CLVS1: variants seen among roughly 807,000 people sequenced by gnomAD.
CLVS1 encodes clavesin 1.
Under a neutral mutation model 33.1 loss-of-function variants are expected in CLVS1, and 10 were observed. That is an observed-to-expected ratio of 0.30 (90% CI 0.19 to 0.51). CLVS1 has a LOEUF of 0.51. Among genes scored for constraint, CLVS1 ranks in the 20% least tolerant of loss-of-function variants. CLVS1 has a pLI of 0.97. For synonymous variants in CLVS1, 163 were observed against 166.1 expected, an observed-to-expected ratio of 0.98 and a Z score of 0.14; for missense variants, 343 against 433.4, an observed-to-expected ratio of 0.79 and a Z score of 1.85.
intron 2 of CLVS1, among the ~76,000 whole-genome samples, chr8:61,308,439 G>A (rs559375998): frequency 6.6e-6 from 1 of 152,186 alleles, no homozygotes; most frequent in East Asian, 1.9e-4. Context: ...GGGTTTCTTG[G>A]CGGAGAATGA....
chr8:61,224,058 G>T (rs1293755630), intron 2 of CLVS1, among the ~76,000 whole-genome samples: 1 of 152,060 alleles, frequency 6.6e-6, no homozygotes, highest in Non-Finnish European at 1.5e-5. Flanking sequence ...ATTCTGGTTA[G>T]CAATTCCCCT....
At chr8:61,140,200 T>C (rs1219071270) in intron 2 of CLVS1, among the ~76,000 whole-genome samples, 3 of 152,194 alleles carry the variant, frequency 2.0e-5, no homozygotes, top group African/African-American at 7.2e-5. Flanking sequence ...TGGGCGAAGG[T>C]TCCTTGCTGC....
intron 3 of CLVS1, among the ~76,000 whole-genome samples, chr8:61,432,208 G>A (rs528960151): frequency 6.6e-6 from 1 of 152,244 alleles, no homozygotes; most frequent in South Asian, 2.1e-4. Context: ...ATTTGAATTA[G>A]CATTAGAACT....
At chr8:61,288,348 C>T (rs1809852179) in intron 1 of CLVS1, 1 of 443,916 alleles carries the variant, frequency 2.3e-6, no homozygotes, top group South Asian at 1.6e-5. Context: ...TCAGCCTGCG[C>T]CCCCTTACAC....
chr8:61,068,223 G>C, intron 1 of CLVS1, among the ~76,000 whole-genome samples: 1 of 105,180 alleles, frequency 9.5e-6, no homozygotes, highest in Admixed American at 9.5e-5. Context: ...ATATATGTAT[G>C]TATGTGTATA....
chr8:61,322,746 C>T (rs1002680512), intron 2 of CLVS1, among the ~76,000 whole-genome samples: 18 of 152,094 alleles, frequency 1.2e-4, no homozygotes, highest in African/African-American at 4.1e-4. Flanking sequence ...TTTTTGGAAG[C>T]AGTACTCTTC....
intron 3 of CLVS1, among the ~76,000 whole-genome samples, chr8:61,446,038 A>T (rs527734664): frequency 4.6e-5 from 7 of 151,912 alleles, no homozygotes; most frequent in Non-Finnish European, 8.8e-5. Context: ...GTAATTTGTG[A>T]CTTCTTTTTT....
chr8:61,213,891 G>A (rs573631746), intron 2 of CLVS1, among the ~76,000 whole-genome samples: 1 of 152,262 alleles, frequency 6.6e-6, no homozygotes, highest in Admixed American at 6.5e-5. Context: ...AAAGCAAATG[G>A]GAGAAATATC....
intron 2 of CLVS1, among the ~76,000 whole-genome samples, chr8:61,318,781 T>C (rs1013012106): frequency 7.2e-5 from 11 of 152,106 alleles, no homozygotes; most frequent in African/African-American, 2.7e-4. Flanking sequence ...TGTTTGTTTG[T>C]TTGTTTTAAG....
chr8:61,325,093 G>T (rs763262046), intron 2 of CLVS1, among the ~76,000 whole-genome samples: 2 of 152,008 alleles, frequency 1.3e-5, no homozygotes, highest in Non-Finnish European at 2.9e-5. Context: ...TTTTTGAAGT[G>T]GTTTCCTGGT....
At chr8:61,011,876 A>G in the CLVS1 span, among the ~76,000 whole-genome samples, 1 of 152,242 alleles carries the variant, frequency 6.6e-6, no homozygotes, top group African/African-American at 2.4e-5. Flanking sequence ...ATGATGGGAA[A>G]GCAGTGACTG....
At chr8:61,277,279 C>T (rs1314324929) in intron 2 of CLVS1, among the ~76,000 whole-genome samples, 2 of 152,236 alleles carry the variant, frequency 1.3e-5, no homozygotes, top group East Asian at 1.9e-4. Context: ...CTATACCACA[C>T]TCCCATGTTC....
intron 1 of CLVS1, among the ~76,000 whole-genome samples, chr8:61,087,197 A>T (rs1426781963): frequency 6.6e-6 from 1 of 152,202 alleles, no homozygotes; most frequent in Non-Finnish European, 1.5e-5. Context: ...TGTGGAGCAG[A>T]TGTGGATTGC....
At chr8:61,143,368 A>G (rs1024030634) in intron 2 of CLVS1, among the ~76,000 whole-genome samples, 1 of 152,146 alleles carries the variant, frequency 6.6e-6, no homozygotes, top group Admixed American at 6.5e-5. Context: ...TCCCCTGCAG[A>G]AAGCATGCGC....
At chr8:61,237,633 T>C (rs1258663040) in intron 2 of CLVS1, among the ~76,000 whole-genome samples, 2 of 152,126 alleles carry the variant, frequency 1.3e-5, no homozygotes, top group Admixed American at 6.5e-5. Context: ...TGACAAAAAT[T>C]CTAGGACCTT....
intron 2 of CLVS1, among the ~76,000 whole-genome samples, chr8:61,331,651 C>T (rs894722605): frequency 2.6e-5 from 4 of 152,178 alleles, no homozygotes; most frequent in Admixed American, 2.0e-4. Flanking sequence ...CATAACACTT[C>T]CTCTCTAAGT....
At chr8:61,287,465 A>G (rs1255144876), upstream of CLVS1, among the ~76,000 whole-genome samples, 3 of 152,024 alleles carry the variant, frequency 2.0e-5, no homozygotes, top group African/African-American at 7.2e-5. Context: ...GTTTTTATGC[A>G]CTCAAACTTA....
intron 1 of CLVS1, among the ~76,000 whole-genome samples, chr8:61,107,435 T>C (rs1805558313): frequency 6.6e-6 from 1 of 152,240 alleles, no homozygotes; most frequent in South Asian, 2.1e-4. Flanking sequence ...CTGTTCCTTA[T>C]AGATGGCATC....
chr8:61,398,503 T>C (rs988010812), intron 3 of CLVS1, among the ~76,000 whole-genome samples: 2 of 152,164 alleles, frequency 1.3e-5, no homozygotes, highest in African/African-American at 2.4e-5. Context: ...TTTCTTTTGT[T>C]AAATTTATTT....
Sources: gnomAD v4.1 joint callset for allele counts (sites outside exome capture counted in the v4.1 genomes callset) on GRCh38, gnomAD v4.1.1 for gene constraint, MANE v1.5 for transcripts, NCBI Gene and HGNC (gene_info 2026-07-23, HGNC 2026-07-21) for gene names.